ZNF790: variants seen among roughly 807,000 people sequenced by gnomAD.
ZNF790 encodes zinc finger protein 790.
A neutral mutation model predicts 12.1 loss-of-function variants in ZNF790; 8 were observed. The observed-to-expected ratio is 0.66, with a 90% CI of 0.39 to 1.19. The LOEUF (loss-of-function observed/expected upper bound fraction) is 1.19. Among genes scored for constraint, ZNF790 ranks in the 50% most tolerant of loss-of-function variants. The pLI is 0.01. For missense variants in ZNF790, 707 were observed against 752.2 expected, an observed-to-expected ratio of 0.94 and a Z score of 0.70; for synonymous variants, 252 against 244.3, an observed-to-expected ratio of 1.03 and a Z score of -0.29.
At chr19:36,849,349 T>C (rs2072217385) in intron 1 of ZNF790, among the ~76,000 whole-genome samples, 1 of 152,162 alleles carries the variant, frequency 6.6e-6, no homozygotes, top group Admixed American at 6.5e-5. Context: ...GCTTAAAAAA[T>C]TATTGATTTC....
chr19:36,846,558 C>T (rs536265392), intron 1 of ZNF790, among the ~76,000 whole-genome samples: 6 of 150,698 alleles, frequency 4.0e-5, no homozygotes, highest in Admixed American at 2.6e-4. Flanking sequence ...AGCGAGACTC[C>T]GTCTCAAAAA....
Position 36,825,681 on chromosome 19 carries a change from G to A in ZNF790, c.-62C>T. On this transcript the variant is annotated 5_prime_UTR_variant, in exon 2 of 5. Transcript: ENST00000356725. ...TTCTTTCTTGGTGAGGCAGCGTGCT[G>A]GGAAAGCAGAGCTAGAAGGAAAGAA... 5 of 1,579,392 alleles carry A rather than the reference G, an allele frequency of 3.2e-6. No homozygotes were observed. The South Asian group carries it at 5.5e-5, about 17-fold the overall frequency.
At chr19:36,838,669 G>A (rs1371319970), upstream of ZNF790, among the ~76,000 whole-genome samples, 1 of 152,166 alleles carries the variant, frequency 6.6e-6, no homozygotes, top group Non-Finnish European at 1.5e-5. This position sits in a 1 kb window ranked among gnomAD's most constrained non-coding sequence, Gnocchi z 4.4. Context: ...CTGGGAACAG[G>A]ACAGTAAGCC....
intron 1 of ZNF790, chr19:36,837,704 C>T (rs1204331984): frequency 6.6e-6 from 1 of 152,102 alleles, no homozygotes; most frequent in Non-Finnish European, 1.5e-5. Flanking sequence ...TCTCGTGGCT[C>T]ATTTCCAACA....
intron 3 of ZNF790, 81 bp from the exon 4 acceptor site, chr19:36,823,461 A>G: frequency 7.1e-7 from 1 of 1,407,672 alleles, no homozygotes; most frequent in Non-Finnish European, 9.8e-7. Flanking sequence ...TTACTAAGGA[A>G]GAGAAACAAT....
chr19:36,822,268 T>A (rs1428308420), intron 4 of ZNF790, among the ~76,000 whole-genome samples: 2 of 151,842 alleles, frequency 1.3e-5, no homozygotes, highest in African/African-American at 2.4e-5. Context: ...AATAAAAAAA[T>A]GAGGTTAAAA....
chr19:36,839,103 T>C (rs760483944), upstream of ZNF790, among the ~76,000 whole-genome samples: 2 of 152,268 alleles, frequency 1.3e-5, no homozygotes, highest in African/African-American at 2.4e-5. Context: ...ACATTAGTAC[T>C]GTTTTGTAAA....
rs2071581498 is a variant in ZNF790 at position 36,817,919 on chromosome 19, T to A, written c.*514A>T. On this transcript the variant is annotated 3_prime_UTR_variant, in exon 5 of 5. Transcript: ENST00000356725. ...CTCACTGCAACCTCCACCTCCCAGG[T>A]TCAAGGAATTCTCATGCCTCGGCCT... 1 of 152,360 alleles carries A rather than the reference T, an allele frequency of 6.6e-6. No individual in the cohort carries two copies. Among genetic ancestry groups the A allele is most frequent in the Non-Finnish European group, 1.5e-5 (1 of 68,202 alleles). The allele number at this position is 152,360 out of a possible 1,614,324, so 9.4% of individuals were successfully genotyped here.
chr19:36,831,712 T>G (rs1371479013), intron 1 of ZNF790, among the ~76,000 whole-genome samples: 2 of 152,138 alleles, frequency 1.3e-5, no homozygotes, highest in African/African-American at 4.8e-5. Flanking sequence ...GCAGAGCACC[T>G]AAAAATGAAA....
At chr19:36,822,224 G>A (rs1339765199) in intron 4 of ZNF790, among the ~76,000 whole-genome samples, 1 of 151,848 alleles carries the variant, frequency 6.6e-6, no homozygotes, top group Non-Finnish European at 1.5e-5. Flanking sequence ...GGAGAAGATA[G>A]GAAAAATGAC....
intron 1 of ZNF790, among the ~76,000 whole-genome samples, chr19:36,844,980 G>A (rs1346479004): frequency 2.1e-5 from 3 of 144,328 alleles, no homozygotes; most frequent in Middle Eastern, 3.6e-3. Context: ...CCCGGGAGGC[G>A]GAGCTTGCAG....
chr19:36,819,899 G>C lies in ZNF790; in HGVS notation c.445C>G (p.Pro149Ala). ...KQVIRTCEKR[P>A]TFNQHTVFNL... Reference sequence around the variant, plus strand: ...AACACTGTATGCTGGTTAAAAGTGGGCCTTTTTTCACAGGTGCGTATCACC... The same window carrying C: ...AACACTGTATGCTGGTTAAAAGTGGCCCTTTTTTCACAGGTGCGTATCACC... The change falls in exon 5 of 5, where the codon CCC becomes GCC. Residue 149 changes from proline to alanine, a missense_variant. Coordinates refer to ENST00000356725, the MANE Select transcript of ZNF790 (RefSeq NM_206894.4). 1 of 1,614,110 alleles carries C rather than the reference G, an allele frequency of 6.2e-7. No individual in the cohort carries two copies. Among genetic ancestry groups the C allele is most frequent in the Non-Finnish European group, 8.5e-7 (1 of 1,180,006 alleles).
intron 4 of ZNF790, among the ~76,000 whole-genome samples, chr19:36,820,772 T>G (rs2071649678): frequency 2.6e-5 from 4 of 152,008 alleles, no homozygotes; most frequent in Admixed American, 2.6e-4. Context: ...GGTGCATGCC[T>G]GTGGTCCTAG....
chr19:36,825,148 A>G (rs546234515), intron 2 of ZNF790, among the ~76,000 whole-genome samples: 2 of 152,260 alleles, frequency 1.3e-5, no homozygotes, highest in Admixed American at 6.5e-5. Context: ...TTTGAACTCA[A>G]CCTCCCATCA....
chr19:36,844,613 C>T (rs1042578334), intron 1 of ZNF790, among the ~76,000 whole-genome samples: 1 of 151,096 alleles, frequency 6.6e-6, no homozygotes, highest in Admixed American at 6.6e-5. Context: ...ACCATAGATT[C>T]AAGAAGTTCA....
chr19:36,847,462 T>C (rs1347872327), intron 1 of ZNF790, among the ~76,000 whole-genome samples: 2 of 152,200 alleles, frequency 1.3e-5, no homozygotes, highest in East Asian at 3.9e-4. Context: ...CGCCAATGTG[T>C]TAGATTAAGA....
intron 3 of ZNF790, 44 bp downstream of exon 3, chr19:36,823,623 C>T: frequency 6.3e-7 from 1 of 1,587,470 alleles, no homozygotes; most frequent in East Asian, 2.2e-5. Flanking sequence ...AAAAAAATCA[C>T]AATACAGAAA....
At chr19:36,844,419 G>A (rs2072158816) in intron 1 of ZNF790, among the ~76,000 whole-genome samples, 1 of 151,536 alleles carries the variant, frequency 6.6e-6, no homozygotes, top group Non-Finnish European at 1.5e-5. Context: ...TGTGATCCTG[G>A]CATTAGAGTA....
rs1247755483 is a variant in ZNF790 at position 36,819,021 on chromosome 19, C to G, written c.1323G>C (p.Glu441Asp). 6.2e-6 allele frequency: 10 copies of G among 1,614,116 alleles called. No individual in the cohort carries two copies. Among genetic ancestry groups the G allele is most frequent in the Non-Finnish European group, 8.5e-6 (10 of 1,180,030 alleles). Reference sequence around the variant, plus strand: ...AGGATTTCCTCTCATTGTGAATTTTCTCATGTTGAGCAAGATACGAAGCCC... The same window carrying G: ...AGGATTTCCTCTCATTGTGAATTTTGTCATGTTGAGCAAGATACGAAGCCC... The part of the protein sequence containing the change: ...FTWASYLAQH[E>D]KIHNERKSYE... Residue 441 changes from glutamate to aspartate, a missense_variant, in exon 5 of 5, where the codon GAG (glutamate) becomes GAC (aspartate). Coordinates refer to ENST00000356725, the MANE Select transcript of ZNF790 (RefSeq NM_206894.4).
Sources: gnomAD v4.1 joint callset for allele counts (sites outside exome capture counted in the v4.1 genomes callset) on GRCh38, gnomAD v4.1.1 for gene constraint, Gnocchi (gnomAD v3.1) non-coding constraint, MANE v1.5 for transcripts, NCBI Gene and HGNC (gene_info 2026-07-23, HGNC 2026-07-21) for gene names.